CRTC3: variants seen among roughly 807,000 people sequenced by gnomAD.
The protein encoded by CRTC3 is CREB regulated transcription coactivator 3.
A neutral mutation model predicts 74.5 loss-of-function variants in CRTC3; 26 were observed. The observed-to-expected ratio is 0.35, with a 90% CI of 0.26 to 0.48. The LOEUF is 0.48. Among genes scored for constraint, CRTC3 ranks in the 20% least tolerant of loss-of-function variants. The pLI is 0.99. For missense variants in CRTC3, 760 were observed against 787.3 expected (o/e 0.97, Z 0.41); for synonymous variants, 377 against 325.8 (o/e 1.16, Z -1.69).
intron 11 of CRTC3, among the ~76,000 whole-genome samples, chr15:90,637,359 A>T (rs1969277419): frequency 6.6e-6 from 1 of 152,118 alleles, no homozygotes; most frequent in Admixed American, 6.5e-5. Context: ...AACAATGAGA[A>T]CACATGGACA....
At position 90,642,950 on chromosome 15, in the gene CRTC3, A is replaced by G; in HGVS notation, c.*810A>G. The G allele has an allele frequency of 4.3e-6, 1 of 232,508 alleles. No individual in the cohort carries two copies. Among genetic ancestry groups the G allele is most frequent in the Non-Finnish European group, 8.5e-6 (1 of 117,770 alleles). The allele number at this position is 232,508 out of a possible 1,614,324, so 14.4% of individuals were successfully genotyped here. A position where few individuals can be genotyped will look rare whatever the true frequency, so the allele number is the denominator to read the frequency against. On this transcript the variant is annotated 3_prime_UTR_variant, in exon 15 of 15. Coordinates refer to ENST00000268184, the MANE Select transcript of CRTC3 (RefSeq NM_022769.5). ...CTCATACTCAGTGGCCTCCAGACAA[A>G]CTCCAGACAAGCACAGACCTCCCCA...
At chr15:90,616,490 G>A (rs898753338) in intron 7 of CRTC3, among the ~76,000 whole-genome samples, 2 of 152,090 alleles carry the variant, frequency 1.3e-5, no homozygotes, top group Non-Finnish European at 2.9e-5. Context: ...TTCTTTCTGG[G>A]GTCCATTATT....
intron 13 of CRTC3, 49 bp downstream of exon 13, chr15:90,638,864 AT>A: frequency 6.9e-7 from 1 of 1,457,448 alleles, no homozygotes; most frequent in Non-Finnish European, 9.6e-7. Context: ...AAACTGTACC[AT>A]TTAGGTTGTT....
chr15:90,557,986 C>T (rs987788688), intron 2 of CRTC3, among the ~76,000 whole-genome samples: 1 of 152,086 alleles, frequency 6.6e-6, no homozygotes, highest in Non-Finnish European at 1.5e-5. Context: ...ACCCCACTTG[C>T]CTTTCTGATT....
Position 90,642,880 on chromosome 15 carries a change from GCTC to G in CRTC3, c.*747_*749del. 4.3e-6 allele frequency: 1 copy of G among 233,112 alleles called. No individual in the cohort carries two copies. Among genetic ancestry groups the G allele is most frequent in the Non-Finnish European group, 8.5e-6 (1 of 117,904 alleles). The allele number at this position is 233,112 out of a possible 1,614,324, so 14.4% of individuals were successfully genotyped here. On this transcript the variant is annotated 3_prime_UTR_variant, in exon 15 of 15. Transcript: ENST00000268184. ...CACTGATGAGCCTGAAGAGAACTGT[GCTC>G]CTCCTCGGGGGCTGGGGAAGGAAGA...
intron 11 of CRTC3, among the ~76,000 whole-genome samples, chr15:90,630,349 T>C (rs900343053): frequency 6.6e-6 from 1 of 152,228 alleles, no homozygotes; most frequent in Non-Finnish European, 1.5e-5. Flanking sequence ...AACAATACTT[T>C]TATTGTTCAT....
intron 2 of CRTC3, among the ~76,000 whole-genome samples, chr15:90,540,567 G>A (rs1221134199): frequency 3.3e-5 from 5 of 152,172 alleles, no homozygotes. Context: ...GAGGTCAGGA[G>A]TTCGAGACCA....
chr15:90,592,688 C>CT (rs1411182600), intron 2 of CRTC3, among the ~76,000 whole-genome samples: 7 of 152,086 alleles, frequency 4.6e-5, no homozygotes, highest in Non-Finnish European at 1.0e-4. Context: ...CATAGCATTC[C>CT]TTTTTTCCTC....
rs11426969 is a variant in CRTC3, at chr15:90,541,782, C to CTTTTTTTTTTTTTTTTTTTT, written c.231+1652_231+1653insTTTTTTTTTTTTTTTTTTTT. Among the ~76,000 whole-genome samples the CTTTTTTTTTTTTTTTTTTTT allele has an allele frequency of 1.2e-4, 14 of 120,100 alleles. 6 individuals are homozygous for CTTTTTTTTTTTTTTTTTTTT. Among genetic ancestry groups the CTTTTTTTTTTTTTTTTTTTT allele is most frequent in the African/African-American group, 1.9e-4 (6 of 30,998 alleles). The allele number at this position is 120,100 out of a possible 152,430, so 78.8% of individuals were successfully genotyped here. On this transcript the variant is annotated intron_variant, in intron 2 of 14. Coordinates refer to ENST00000268184, the MANE Select transcript of CRTC3 (RefSeq NM_022769.5). The stretch of plus-strand genomic sequence containing the variant: ...GATAATCCTTGGCCTTCCCAGGATT[C>CTTTTTTTTTTTTTTTTTTTT]TTTTTTTCTTTTTTTTTTTTTGAGA...
intron 2 of CRTC3, among the ~76,000 whole-genome samples, chr15:90,586,476 TC>T (rs1456904307): frequency 6.6e-6 from 1 of 151,124 alleles, no homozygotes; most frequent in Non-Finnish European, 1.5e-5. Flanking sequence ...GAGCAATTCT[TC>T]TGCCTTAGCC....
rs544521644 is a variant in CRTC3 at position 90,603,912 on chromosome 15, A to T, written c.414-473A>T. Among the ~76,000 whole-genome samples, 8 of 152,332 alleles carry T rather than the reference A, an allele frequency of 5.3e-5. 1 individual carries two copies. The highest frequency in any genetic ancestry group is 1.9e-4 in the African/African-American group (8 of 41,570). ...AAATACAATATTTTATTACATCAGT[A>T]AAAGTCATCTCCAAACTGTTATTTT... On this transcript the variant is annotated intron_variant, in intron 4 of 14. Coordinates refer to ENST00000268184, the MANE Select transcript of CRTC3 (RefSeq NM_022769.5).
At chr15:90,563,891 C>A (rs536747032) in intron 2 of CRTC3, among the ~76,000 whole-genome samples, 2 of 152,302 alleles carry the variant, frequency 1.3e-5, no homozygotes, top group African/African-American at 4.8e-5. Flanking sequence ...CGCCTTCCTT[C>A]CTTTTTTTCA....
chr15:90,628,762 T>G (rs1248442581), intron 10 of CRTC3, among the ~76,000 whole-genome samples: 1 of 151,666 alleles, frequency 6.6e-6, no homozygotes, highest in South Asian at 2.1e-4. Flanking sequence ...CTAAGGGTAA[T>G]TAAAGACCAC....
chr15:90,631,648 C>T (rs578171321), intron 11 of CRTC3, among the ~76,000 whole-genome samples: 13 of 151,324 alleles, frequency 8.6e-5, no homozygotes, highest in Non-Finnish European at 1.8e-4. Context: ...GAATTGCTTG[C>T]ACCCTGGAGG....
intron 1 of CRTC3, among the ~76,000 whole-genome samples, chr15:90,531,511 C>T (rs1433787872): frequency 6.6e-6 from 1 of 152,112 alleles, no homozygotes; most frequent in African/African-American, 2.4e-5. Context: ...TGAAATATTT[C>T]CTGTACTTAC....
At chr15:90,557,028 C>T (rs1966906876) in intron 2 of CRTC3, among the ~76,000 whole-genome samples, 1 of 143,842 alleles carries the variant, frequency 7.0e-6, no homozygotes, top group African/African-American at 2.6e-5. Flanking sequence ...AAAATAAATA[C>T]ATTAATCAAA....
At chr15:90,548,538 C>T (rs1201350498) in intron 2 of CRTC3, among the ~76,000 whole-genome samples, 1 of 152,118 alleles carries the variant, frequency 6.6e-6, no homozygotes, top group Non-Finnish European at 1.5e-5. Flanking sequence ...CCATGGTTTT[C>T]CTTTACTGCA....
At chr15:90,615,078 A>G (rs967610946) in intron 7 of CRTC3, among the ~76,000 whole-genome samples, 2 of 152,068 alleles carry the variant, frequency 1.3e-5, no homozygotes, top group African/African-American at 4.8e-5. Context: ...AAATAAATAA[A>G]TAAATAAATA....
chr15:90,608,466 C>G (rs989350178), intron 6 of CRTC3, among the ~76,000 whole-genome samples: 1 of 152,156 alleles, frequency 6.6e-6, no homozygotes, highest in Non-Finnish European at 1.5e-5. Context: ...CTCTCTCACT[C>G]CTGGCCAGCA....
Sources: allele counts gnomAD v4.1 joint callset (sites outside exome capture counted in the v4.1 genomes callset), GRCh38; gene constraint gnomAD v4.1.1; transcripts MANE v1.5; gene names NCBI Gene and HGNC (gene_info 2026-07-23, HGNC 2026-07-21).